Variants in ERBB4 observed in about 807,000 individuals in gnomAD.
The protein encoded by ERBB4 is receptor tyrosine-protein kinase erbB-4.
A neutral mutation model predicts 158.0 loss-of-function variants in ERBB4; 42 were observed. The observed-to-expected ratio is 0.27, with a 90% CI of 0.21 to 0.34. The LOEUF (loss-of-function observed/expected upper bound fraction) is 0.34, where lower values mean the gene tolerates loss of function less well. Ranked by LOEUF, ERBB4 falls within the 10% of genes least tolerant of loss-of-function variation. The pLI is 1.00. For missense variants in ERBB4, 1,333 were observed against 1,624.1 expected (o/e 0.82, Z 3.08); for synonymous variants, 583 against 558.7 (o/e 1.04, Z -0.61).
At chr2:212,060,935 C>T (rs1440363940) in intron 2 of ERBB4, among the ~76,000 whole-genome samples, 6 of 148,098 alleles carry the variant, frequency 4.1e-5, no homozygotes, top group Non-Finnish European at 6.0e-5. Flanking sequence ...ATTGTGCACA[C>T]GTACCCTAAA....
chr2:211,885,741 G>C (rs922020458), intron 3 of ERBB4, among the ~76,000 whole-genome samples: 1 of 152,072 alleles, frequency 6.6e-6, no homozygotes. Context: ...TTACAGATGT[G>C]AGCCACCGTG....
intron 3 of ERBB4, among the ~76,000 whole-genome samples, chr2:211,858,757 C>G (rs899892968): frequency 1.3e-5 from 2 of 152,140 alleles, no homozygotes; most frequent in Non-Finnish European, 2.9e-5. Flanking sequence ...GGTGGTTCTA[C>G]TCCAAAAGGC....
At chr2:211,526,898 G>C (rs897380482) in intron 20 of ERBB4, among the ~76,000 whole-genome samples, 4 of 151,898 alleles carry the variant, frequency 2.6e-5, no homozygotes, top group Non-Finnish European at 4.4e-5. Flanking sequence ...ATGGTCAGAG[G>C]AGACAAAAGG....
At chr2:212,086,913 A>C (rs980153145) in intron 2 of ERBB4, among the ~76,000 whole-genome samples, 1 of 152,022 alleles carries the variant, frequency 6.6e-6, no homozygotes, top group African/African-American at 2.4e-5. Context: ...AACTGTTCAC[A>C]TTCTAGATAG....
chr2:211,779,032 T>A (rs146893581), intron 4 of ERBB4: 3 of 152,288 alleles, frequency 2.0e-5, no homozygotes, highest in Non-Finnish European at 4.4e-5. Flanking sequence ...AAAAAAGGAA[T>A]CGTTTGGATA....
At chr2:212,131,696 C>G (rs1343899670) in intron 1 of ERBB4, among the ~76,000 whole-genome samples, 1 of 152,130 alleles carries the variant, frequency 6.6e-6, no homozygotes, top group Non-Finnish European at 1.5e-5. Flanking sequence ...GAGTATGTCT[C>G]TAATACAGGA....
chr2:211,475,540 G>A (rs2125535853), intron 20 of ERBB4, among the ~76,000 whole-genome samples: 1 of 152,136 alleles, frequency 6.6e-6, no homozygotes, highest in South Asian at 2.1e-4. Flanking sequence ...GAACTATAAT[G>A]ACATATAAAT....
chr2:211,411,796 C>A (rs116498197), intron 25 of ERBB4, among the ~76,000 whole-genome samples: 2,270 of 152,228 alleles, frequency 0.015, 53 homozygotes, highest in African/African-American at 0.052. Context: ...ATTCCAGTTT[C>A]TTCCCTTGAT....
chr2:212,322,877 A>T (rs1386556724), intron 1 of ERBB4, among the ~76,000 whole-genome samples: 1 of 150,368 alleles, frequency 6.7e-6, no homozygotes, highest in Non-Finnish European at 1.5e-5. Flanking sequence ...TTTTATATAC[A>T]TATGGTAAAC....
chr2:211,531,062 A>G (rs1270547667), intron 20 of ERBB4, among the ~76,000 whole-genome samples: 1 of 152,216 alleles, frequency 6.6e-6, no homozygotes, highest in East Asian at 1.9e-4. Context: ...ATACTTTGGG[A>G]AAACGACAGT....
chr2:211,707,863 T>A (rs1176995245), intron 9 of ERBB4, among the ~76,000 whole-genome samples: 1 of 152,070 alleles, frequency 6.6e-6, no homozygotes, highest in African/African-American at 2.4e-5. Context: ...ATATATTTTG[T>A]GGAGAAACTT....
chr2:211,615,103 T>G (rs2069336262), intron 19 of ERBB4, among the ~76,000 whole-genome samples: 1 of 152,040 alleles, frequency 6.6e-6, no homozygotes, highest in Admixed American at 6.6e-5. Flanking sequence ...GAATTGAGAA[T>G]AATTACATAA....
At chr2:212,033,709 A>G (rs1487820549) in intron 2 of ERBB4, among the ~76,000 whole-genome samples, 1 of 151,892 alleles carries the variant, frequency 6.6e-6, no homozygotes, top group East Asian at 1.9e-4. Context: ...AAGCCATTTT[A>G]GGTATTAGTT....
At chr2:212,476,549 AG>A (rs1689414537) in intron 1 of ERBB4, among the ~76,000 whole-genome samples, 2 of 152,118 alleles carry the variant, frequency 1.3e-5, no homozygotes, top group Admixed American at 6.6e-5. Flanking sequence ...CAACTATTTT[AG>A]GTATTTCTGA....
At chr2:212,087,976 AC>A (rs2125485272) in intron 2 of ERBB4, among the ~76,000 whole-genome samples, 1 of 152,210 alleles carries the variant, frequency 6.6e-6, no homozygotes, top group Admixed American at 6.6e-5. Context: ...TAAGCTTCAG[AC>A]ACAGTGCCTG....
intron 1 of ERBB4, among the ~76,000 whole-genome samples, chr2:212,199,108 C>A (rs868292323): frequency 6.6e-6 from 1 of 152,078 alleles, no homozygotes; most frequent in African/African-American, 2.4e-5. Context: ...CATTTTAAAT[C>A]CCCACTCACA....
intron 19 of ERBB4, among the ~76,000 whole-genome samples, chr2:211,588,801 A>G (rs1245164680): frequency 6.6e-6 from 1 of 152,130 alleles, no homozygotes. Flanking sequence ...AATGTTAGCC[A>G]TTAGGCACTG....
chr2:212,051,465 T>C (rs2077397265), intron 2 of ERBB4, among the ~76,000 whole-genome samples: 2 of 152,124 alleles, frequency 1.3e-5, no homozygotes, highest in Admixed American at 6.5e-5. Flanking sequence ...AACCTATGCA[T>C]TTAAAGAATA....
At chr2:211,395,749 T>G (rs1559125933) in intron 25 of ERBB4, among the ~76,000 whole-genome samples, 1 of 152,092 alleles carries the variant, frequency 6.6e-6, no homozygotes, top group Non-Finnish European at 1.5e-5. Flanking sequence ...GTACTTTGTC[T>G]ACAAAACAGG....
Sources: gnomAD v4.1 joint callset for allele counts (sites outside exome capture counted in the v4.1 genomes callset) on GRCh38, gnomAD v4.1.1 for gene constraint, MANE v1.5 for transcripts, NCBI Gene and HGNC (gene_info 2026-07-23, HGNC 2026-07-21) for gene names.